OOEP: variants seen among roughly 807,000 people sequenced by gnomAD.
OOEP encodes oocyte-expressed protein homolog.
A neutral mutation model predicts 13.7 loss-of-function variants in OOEP; 16 were observed. That is an observed-to-expected ratio of 1.16 (90% CI 0.79 to 1.77). The LOEUF (loss-of-function observed/expected upper bound fraction) is 1.77, where lower values mean the gene tolerates loss of function less well. Among genes scored for constraint, OOEP ranks in the 40% most tolerant of loss-of-function variants. OOEP has a pLI of 0.00. For synonymous variants in OOEP, 89 were observed against 77.1 expected (o/e 1.15, Z -0.81); for missense variants, 195 against 193.1 (o/e 1.01, Z -0.06).
intron 2 of OOEP, among the ~76,000 whole-genome samples, chr6:73,375,949 G>A (rs983498164): frequency 1.3e-5 from 2 of 151,732 alleles, no homozygotes; most frequent in African/African-American, 2.4e-5. Context: ...CCGCCACCAC[G>A]GCCAGGTGAA....
At chr6:73,377,287 G>C (rs1159627310) in intron 2 of OOEP, among the ~76,000 whole-genome samples, 1 of 152,150 alleles carries the variant, frequency 6.6e-6, no homozygotes, top group Non-Finnish European at 1.5e-5. Context: ...AAAACCTCAA[G>C]ACCCCTTTTA....
chr6:73,380,022 T>C (rs1769180283), intron 2 of OOEP, among the ~76,000 whole-genome samples: 1 of 152,216 alleles, frequency 6.6e-6, no homozygotes, highest in Non-Finnish European at 1.5e-5. Flanking sequence ...GGTAGCTTCT[T>C]ACACTTTGAA....
Position 73,369,382 on chromosome 6 carries a change from G to A in OOEP, c.194C>T (p.Pro65Leu). 6.2e-7 allele frequency: 1 copy of A among 1,609,978 alleles called. No individual in the cohort carries two copies. The highest frequency in any genetic ancestry group is 8.5e-7 in the Non-Finnish European group (1 of 1,178,258). Residue 65 changes from proline (P) to leucine (L), a missense_variant, in exon 2 of 3, where the codon CCA (proline) becomes CTA (leucine). Pro to Leu is a moderately conservative substitution (Grantham distance 98, BLOSUM62 -3). Transcript: ENST00000370359. ...CATTTCTGGAATTATGGCTCGGTCT[G>A]GGCCTAAACAAGTAAGGAAAAACTC... ...EAWLADELFG[P>L]DRAIIPEMEW...
upstream of OOEP, chr6:73,373,006 C>T (rs144472831): frequency 1.0e-4 from 100 of 963,150 alleles, no homozygotes; most frequent in Middle Eastern, 1.3e-3. Context: ...GAGGAAAACA[C>T]GTCGAAATCT....
At chr6:73,381,205 TAAAAAAAAAAAAAAA>T (rs66507015) in intron 2 of OOEP, among the ~76,000 whole-genome samples, 1 of 101,000 alleles carries the variant, frequency 9.9e-6, no homozygotes, top group Non-Finnish European at 1.9e-5. Flanking sequence ...AAAAAAGTGT[TAAAAAAAAAAAAAAA>T]AAAAAAAAGA....
chr6:73,387,110 A>G (rs1273456114), intron 2 of OOEP, among the ~76,000 whole-genome samples: 2 of 151,652 alleles, frequency 1.3e-5, no homozygotes, highest in African/African-American at 2.4e-5. Flanking sequence ...ATATATGTAT[A>G]TATATACATA....
At chr6:73,376,979 TC>T (rs1769147689) in intron 2 of OOEP, among the ~76,000 whole-genome samples, 1 of 151,988 alleles carries the variant, frequency 6.6e-6, no homozygotes, top group South Asian at 2.1e-4. Context: ...CTTCCTCTCT[TC>T]CCTAAAATTG....
Position 73,379,657 on chromosome 6 carries a change from A to AAAAAAAAG in OOEP, c.26-10273_26-10272insCTTTTTTT, listed in dbSNP as rs1554233272. Among the ~76,000 whole-genome samples the AAAAAAAAG allele has an allele frequency of 9.1e-4, 101 of 110,900 alleles. 14 individuals are homozygous for AAAAAAAAG. Among genetic ancestry groups the AAAAAAAAG allele is most frequent in the Non-Finnish European group, 1.1e-3 (60 of 56,352 alleles). The allele number at this position is 110,900 out of a possible 152,430, so 72.8% of individuals were successfully genotyped here. Reference sequence around the variant, plus strand: ...CTATCTCAAAAAAAAAAAAAAAAAAAAAAAGTGGCCTTATTTTACATGTTT... The same window carrying AAAAAAAAG: ...CTATCTCAAAAAAAAAAAAAAAAAAAAAAAAAAGAAAAGTGGCCTTATTTTACATGTTT... On this transcript the variant is annotated intron_variant, in intron 2 of 3. Coordinates refer to the OOEP transcript ENST00000370363.
At chr6:73,384,174 A>G (rs1001185460) in intron 2 of OOEP, among the ~76,000 whole-genome samples, 11 of 152,228 alleles carry the variant, frequency 7.2e-5, no homozygotes, top group African/African-American at 2.7e-4. Context: ...GTAATACTAC[A>G]GAACAACTAT....
chr6:73,394,903 A>G lies in OOEP; in HGVS notation c.-303T>C. On this transcript the variant is annotated 5_prime_UTR_variant, in exon 1 of 4. Transcript: ENST00000370363. ...GACGTCGGACGCGCCCCTTCTTGGAACAATGTCCCACCACGGAGGAGCTCC... is the reference window on the plus strand; with the variant it reads ...GACGTCGGACGCGCCCCTTCTTGGAGCAATGTCCCACCACGGAGGAGCTCC... 3.7e-6 allele frequency: 6 copies of G among 1,614,010 alleles called. No individual in the cohort carries two copies. The South Asian group carries it at 4.4e-5, about 12-fold the overall frequency.
At chr6:73,382,468 A>G (rs1277756623) in intron 2 of OOEP, among the ~76,000 whole-genome samples, 1 of 151,754 alleles carries the variant, frequency 6.6e-6, no homozygotes, top group African/African-American at 2.4e-5. Context: ...CACCTGCCTC[A>G]GCCTCCCAAA....
chr6:73,392,265 T>A (rs777442094), intron 2 of OOEP, among the ~76,000 whole-genome samples: 24 of 152,186 alleles, frequency 1.6e-4, no homozygotes, highest in Non-Finnish European at 2.6e-4. Flanking sequence ...GATTAAAGAT[T>A]AGAGAATGGA....
At chr6:73,377,415 A>G (rs1033979007) in intron 2 of OOEP, among the ~76,000 whole-genome samples, 12 of 109,674 alleles carry the variant, frequency 1.1e-4, no homozygotes, top group African/African-American at 3.1e-4. Context: ...GTAGATAAAC[A>G]ACCTGCTCAT....
At chr6:73,388,034 C>T (rs978974627) in intron 2 of OOEP, among the ~76,000 whole-genome samples, 3 of 152,156 alleles carry the variant, frequency 2.0e-5, no homozygotes, top group African/African-American at 7.2e-5. Flanking sequence ...TGCGGCACCA[C>T]ACCAAGCTAA....
chr6:73,382,182 C>T (rs577219737), intron 2 of OOEP, among the ~76,000 whole-genome samples: 13 of 150,294 alleles, frequency 8.6e-5, no homozygotes, highest in African/African-American at 3.2e-4. Flanking sequence ...CTAGTACCTG[C>T]GACCACAGGC....
intron 2 of OOEP, among the ~76,000 whole-genome samples, chr6:73,389,961 C>T (rs1281455011): frequency 6.6e-6 from 1 of 152,154 alleles, no homozygotes; most frequent in Non-Finnish European, 1.5e-5. Context: ...GGGCGCAGAT[C>T]ACTTGAGGCC....
chr6:73,382,025 GGTTTTT>G (rs1452604921), intron 2 of OOEP, among the ~76,000 whole-genome samples: 7 of 151,860 alleles, frequency 4.6e-5, no homozygotes, highest in African/African-American at 1.7e-4. Context: ...TGTAACTTTG[GGTTTTT>G]GTTTTTGTTT....
intron 2 of OOEP, among the ~76,000 whole-genome samples, chr6:73,387,290 C>T (rs1306333592): frequency 6.6e-6 from 1 of 151,988 alleles, no homozygotes; most frequent in South Asian, 2.1e-4. Context: ...GGGTGGATAA[C>T]TTGAGGTCAG....
In OOEP at chr6:73,369,133, T is replaced by A. The variant is rs959842507; in HGVS notation, c.370+73A>T. 2.7e-6 allele frequency: 4 copies of A among 1,461,708 alleles called. No homozygotes were observed. In the Admixed American group the frequency reaches 8.2e-5, roughly 30 times the overall value. The allele number at this position is 1,461,708 out of a possible 1,614,324, so 90.5% of individuals were successfully genotyped here. A position where few individuals can be genotyped will look rare whatever the true frequency, so the allele number is the denominator to read the frequency against. On this transcript the variant is annotated intron_variant, in intron 2 of 2. Coordinates refer to ENST00000370359, the MANE Select transcript of OOEP (RefSeq NM_001080507.3). ...AAATTTTGAGAAGGTTAAGGGAGGA[T>A]GGAAGGAAACCGAGCAAGGCCAGTA...
Sources: allele counts gnomAD v4.1 joint callset (sites outside exome capture counted in the v4.1 genomes callset), GRCh38; gene constraint gnomAD v4.1.1; transcripts MANE v1.5; gene names NCBI Gene and HGNC (gene_info 2026-07-23, HGNC 2026-07-21).